Variants in MALL observed in about 807,000 individuals in gnomAD.
MALL encodes the protein mal, T cell differentiation protein like, also known as MAL-like protein.
MALL carries 2 observed loss-of-function variants against 10.3 expected under a neutral mutation model. The observed-to-expected ratio is 0.19, with a 90% CI of 0.08 to 0.61. MALL has a LOEUF of 0.61. MALL is among the 20% of genes least tolerant of loss of function. MALL has a pLI of 0.88. For missense variants in MALL, 39 were observed against 115.2 expected, an observed-to-expected ratio of 0.34 and a Z score of 3.03; for synonymous variants, 27 against 51.8, an observed-to-expected ratio of 0.52 and a Z score of 2.05.
At chr2:110,104,537 G>A (rs1407611434) in intron 1 of MALL, among the ~76,000 whole-genome samples, 1 of 152,196 alleles carries the variant, frequency 6.6e-6, no homozygotes, top group Non-Finnish European at 1.5e-5. Context: ...TTAAGTGGGA[G>A]ACTTAAGTCT....
rs570167171 is a variant in MALL at position 110,101,596 on chromosome 2, G to A, written c.106-9826C>T. 1.2e-4 allele frequency among the ~76,000 whole-genome samples: 19 copies of A among 152,152 alleles called. No individual in the cohort carries two copies. The East Asian group carries it at 3.1e-3, about 25-fold the overall frequency. On this transcript the variant is annotated intron_variant, in intron 1 of 3. Transcript: ENST00000272462. ...ACTGAATGGGGCTGGCAGTGCGCCCGGCCTCCCTGGGATGGGCGCACCAGA... is the reference window on the plus strand; with the variant it reads ...ACTGAATGGGGCTGGCAGTGCGCCCAGCCTCCCTGGGATGGGCGCACCAGA...
At chr2:110,100,055 A>AG (rs1678529776) in intron 1 of MALL, among the ~76,000 whole-genome samples, 1 of 152,018 alleles carries the variant, frequency 6.6e-6, no homozygotes, top group Non-Finnish European at 1.5e-5. Flanking sequence ...CAAACTCAGG[A>AG]CACCCACCCT....
At chr2:110,111,924 A>G (rs1678811130) in intron 1 of MALL, among the ~76,000 whole-genome samples, 1 of 152,124 alleles carries the variant, frequency 6.6e-6, no homozygotes, top group Non-Finnish European at 1.5e-5. Context: ...CCAGAAATAA[A>G]CCCAAATACT....
intron 1 of MALL, among the ~76,000 whole-genome samples, chr2:110,099,928 C>A (rs1286070490): frequency 6.6e-6 from 1 of 152,210 alleles, no homozygotes; most frequent in Admixed American, 6.5e-5. Flanking sequence ...CCAGTCCCAG[C>A]CAGCGACAGC....
chr2:110,104,613 A>G (rs1412708590), intron 1 of MALL, among the ~76,000 whole-genome samples: 1 of 152,172 alleles, frequency 6.6e-6, no homozygotes, highest in Admixed American at 6.5e-5. Flanking sequence ...CTGAACAAGA[A>G]AATGCGTCAC....
chr2:110,115,821 G>A lies in MALL; in HGVS notation c.-29C>T, dbSNP rs373804734. The A allele has an allele frequency of 5.3e-4, 593 of 1,115,674 alleles. 4 individuals carry two copies. In the East Asian group the frequency reaches 0.01, roughly 19 times the overall value. The allele number at this position is 1,115,674 out of a possible 1,614,324, so 69.1% of individuals were successfully genotyped here. ...GTCAGCCCCTGCCGGGTGCTCCGCGGCAGCTCGCCCGCGCGCAGCCTGTCA... is the reference window on the plus strand; with the variant it reads ...GTCAGCCCCTGCCGGGTGCTCCGCGACAGCTCGCCCGCGCGCAGCCTGTCA... On this transcript the variant is annotated 5_prime_UTR_variant, in exon 1 of 4. Coordinates refer to ENST00000272462, the MANE Select transcript of MALL (RefSeq NM_005434.5).
At chr2:110,109,705 A>G (rs1678761596) in intron 1 of MALL, among the ~76,000 whole-genome samples, 1 of 152,158 alleles carries the variant, frequency 6.6e-6, no homozygotes, top group African/African-American at 2.4e-5. Flanking sequence ...AACGGACTTA[A>G]CAGAAATGAA....
At chr2:110,095,592 A>G (rs1678423392) in intron 1 of MALL, among the ~76,000 whole-genome samples, 1 of 152,184 alleles carries the variant, frequency 6.6e-6, no homozygotes, top group Non-Finnish European at 1.5e-5. Flanking sequence ...TCCAACTAAA[A>G]AAAAATATTG....
At chr2:110,098,622 G>A (rs752985873) in intron 1 of MALL, among the ~76,000 whole-genome samples, 6 of 152,070 alleles carry the variant, frequency 3.9e-5, no homozygotes, top group East Asian at 1.9e-4. Context: ...TTGCTTATAC[G>A]CATTTGGGTT....
intron 1 of MALL, among the ~76,000 whole-genome samples, chr2:110,103,280 C>T (rs1308346654): frequency 6.6e-6 from 1 of 152,094 alleles, no homozygotes; most frequent in Non-Finnish European, 1.5e-5. Context: ...GAGCAGCCAT[C>T]CATTCTGGCT....
intron 1 of MALL, among the ~76,000 whole-genome samples, chr2:110,099,977 T>A (rs998516037): frequency 2.6e-5 from 4 of 152,050 alleles, no homozygotes; most frequent in African/African-American, 9.7e-5. Context: ...GGGATTCAAG[T>A]CTGTGCGGGT....
At chr2:110,102,057 T>A (rs890850697) in intron 1 of MALL, among the ~76,000 whole-genome samples, 8 of 152,112 alleles carry the variant, frequency 5.3e-5, no homozygotes, top group African/African-American at 1.9e-4. Context: ...AACTTCATGT[T>A]CCTGCCCATG....
rs181274834 is a variant in MALL, at chr2:110,103,531, G to A, written c.106-11761C>T. Among the ~76,000 whole-genome samples, 336 of 152,262 alleles carry A rather than the reference G, an allele frequency of 2.2e-3. 1 individual carries two copies. In the East Asian group the frequency reaches 0.023, roughly 10 times the overall value. Reference sequence around the variant, plus strand: ...CTCCTGACTCCCACAGATCTGCCCCGCCCAGGGGAAAGTTCTTCAGGGAGA... The same window carrying A: ...CTCCTGACTCCCACAGATCTGCCCCACCCAGGGGAAAGTTCTTCAGGGAGA... On this transcript the variant is annotated intron_variant, in intron 1 of 3. Coordinates refer to ENST00000272462, the MANE Select transcript of MALL (RefSeq NM_005434.5).
chr2:110,100,207 A>G (rs984830136), intron 1 of MALL, among the ~76,000 whole-genome samples: 61 of 152,138 alleles, frequency 4.0e-4, no homozygotes, highest in African/African-American at 1.4e-3. Context: ...AACAGGGCAT[A>G]ATGGCTCACA....
At chr2:110,107,373 GC>G (rs1678718975) in intron 1 of MALL, among the ~76,000 whole-genome samples, 1 of 152,058 alleles carries the variant, frequency 6.6e-6, no homozygotes, top group African/African-American at 2.4e-5. Context: ...AGTGAGACTG[GC>G]CATTTGGTTT....
chr2:110,096,497 C>T (rs1177688119), intron 1 of MALL, among the ~76,000 whole-genome samples: 2 of 151,792 alleles, frequency 1.3e-5, no homozygotes, highest in Non-Finnish European at 2.9e-5. Context: ...GTAGCCATAA[C>T]CATTTGGAAC....
In MALL at chr2:110,102,313, C is replaced by T. The variant is rs530373574; in HGVS notation, c.106-10543G>A. On this transcript the variant is annotated intron_variant, in intron 1 of 3. Transcript: ENST00000272462. Reference sequence around the variant, plus strand: ...ATGTCACCTCCTCCAGGAAGCCACCCTTGACTACCAAGTCCCCCAGCATAC... The same window carrying T: ...ATGTCACCTCCTCCAGGAAGCCACCTTTGACTACCAAGTCCCCCAGCATAC... Among the ~76,000 whole-genome samples, 68 of 152,268 alleles carry T rather than the reference C, an allele frequency of 4.5e-4. No homozygotes were observed. The South Asian group carries it at 8.5e-3, about 19-fold the overall frequency.
intron 1 of MALL, among the ~76,000 whole-genome samples, chr2:110,095,155 G>T (rs1270453986): frequency 6.6e-6 from 1 of 152,022 alleles, no homozygotes; most frequent in Non-Finnish European, 1.5e-5. Context: ...GTCTAGGTTG[G>T]ATTCCTTACA....
Position 110,115,481 on chromosome 2 carries a change from TCGGTCCGGTCTGGGTCTCTCTCGGCG to T in MALL, c.105+181_105+206del, listed in dbSNP as rs1450787689. ...CAGCCCCTGTGCTCGCTCCCCGCTC[TCGGTCCGGTCTGGGTCTCTCTCGGCG>T]CGGTCCGGTCTGGGTCCGAGGCCGG... is the stretch of plus-strand genomic sequence containing the variant. On this transcript the variant is annotated intron_variant, in intron 1 of 3. Transcript: ENST00000272462. Among the ~76,000 whole-genome samples, 44 of 151,328 alleles carry T rather than the reference TCGGTCCGGTCTGGGTCTCTCTCGGCG, an allele frequency of 2.9e-4. No homozygotes were observed. The South Asian group carries it at 8.6e-3, about 30-fold the overall frequency.
Sources: gnomAD v4.1 joint callset for allele counts (sites outside exome capture counted in the v4.1 genomes callset) on GRCh38, gnomAD v4.1.1 for gene constraint, MANE v1.5 for transcripts, NCBI Gene and HGNC (gene_info 2026-07-23, HGNC 2026-07-21) for gene names.